Variants in FGF10 observed in about 807,000 individuals in gnomAD.
The protein encoded by FGF10 is fibroblast growth factor 10, also known as FGF-10.
Under a neutral mutation model 19.8 loss-of-function variants are expected in FGF10, and 2 were observed. That is an observed-to-expected ratio of 0.10 (90% CI 0.04 to 0.32). FGF10 has a LOEUF of 0.32. Among genes scored for constraint, FGF10 ranks in the 10% least tolerant of loss-of-function variants. The pLI, the probability that FGF10 is intolerant of heterozygous loss-of-function variation, is 1.00. For missense variants in FGF10, 191 were observed against 246.3 expected, an observed-to-expected ratio of 0.78 and a Z score of 1.50; for synonymous variants, 112 against 94.0, an observed-to-expected ratio of 1.19 and a Z score of -1.10.
At chr5:44,361,412 A>T (rs1364607585) in intron 1 of FGF10, among the ~76,000 whole-genome samples, 1 of 151,636 alleles carries the variant, frequency 6.6e-6, no homozygotes, top group Non-Finnish European at 1.5e-5. Flanking sequence ...AGGCAATGTC[A>T]TAGATATGAG....
intron 1 of FGF10, among the ~76,000 whole-genome samples, chr5:44,338,376 CAAT>C (rs1316457450): frequency 1.2e-4 from 19 of 152,164 alleles, no homozygotes; most frequent in African/African-American, 4.1e-4. Flanking sequence ...GAAAATATGA[CAAT>C]AATCAAATTT....
chr5:44,337,637 T>C (rs1284702757), intron 1 of FGF10, among the ~76,000 whole-genome samples: 3 of 152,094 alleles, frequency 2.0e-5, no homozygotes, highest in African/African-American at 4.8e-5. Flanking sequence ...AAAAACAGAT[T>C]TGGACATTAA....
chr5:44,364,023 T>C (rs1741549282), intron 1 of FGF10, among the ~76,000 whole-genome samples: 1 of 151,634 alleles, frequency 6.6e-6, no homozygotes, highest in Admixed American at 6.6e-5. Context: ...GGGACCACCA[T>C]AAAAAAAGAA....
intron 1 of FGF10, among the ~76,000 whole-genome samples, chr5:44,337,927 G>A (rs920938984): frequency 7.9e-5 from 12 of 152,080 alleles, no homozygotes; most frequent in South Asian, 2.1e-4. Flanking sequence ...GCGACACAGC[G>A]AGACTCTGTC....
In FGF10 at chr5:44,303,637, G is replaced by T. The variant is rs2111660654; in HGVS notation, c.*1358C>A. On this transcript the variant is annotated 3_prime_UTR_variant, in exon 3 of 3. Transcript: ENST00000264664. Reference sequence around the variant, plus strand: ...TACCTGCTCTAACAAAATGAATTTTGATATGGTTACATTATGGAACTTTGT... The same window carrying T: ...TACCTGCTCTAACAAAATGAATTTTTATATGGTTACATTATGGAACTTTGT... 1 of 152,176 alleles carries T rather than the reference G, an allele frequency of 6.6e-6. No homozygotes were observed. Among genetic ancestry groups the T allele is most frequent in the East Asian group, 1.9e-4 (1 of 5,182 alleles). 9.4% of individuals were successfully genotyped at this position (152,176 alleles called of 1,614,324 possible).
intron 1 of FGF10, among the ~76,000 whole-genome samples, chr5:44,323,174 C>T (rs1206071067): frequency 2.6e-5 from 4 of 152,050 alleles, no homozygotes; most frequent in Non-Finnish European, 5.9e-5. Flanking sequence ...CCTATTTTTG[C>T]CACAACTCAC....
rs1739982741 is a variant in FGF10, at chr5:44,302,289, T to TCCTTCCTTCCTC, written c.*2705_*2706insGAGGAAGGAAGG. ...TTCCTTCCTTCTTTCCTTGCTTCCT[T>TCCTTCCTTCCTC]CCTTCCTTCCTTCCTTCCTTCCTTC... On this transcript the variant is annotated 3_prime_UTR_variant, in exon 3 of 3. Coordinates refer to ENST00000264664, the MANE Select transcript of FGF10 (RefSeq NM_004465.2). Among the ~76,000 whole-genome samples, 2 of 77,344 alleles carry TCCTTCCTTCCTC rather than the reference T, an allele frequency of 2.6e-5. No homozygotes were observed. The highest frequency in any genetic ancestry group is 5.4e-5 in the Non-Finnish European group (2 of 37,260). The allele number at this position is 77,344 out of a possible 152,430, so 50.7% of individuals were successfully genotyped here.
intron 1 of FGF10, among the ~76,000 whole-genome samples, chr5:44,340,051 C>T (rs1740934617): frequency 6.6e-6 from 1 of 152,080 alleles, no homozygotes; most frequent in Non-Finnish European, 1.5e-5. Flanking sequence ...GTCCCAGTGA[C>T]CACTTGCCAC....
intron 1 of FGF10, among the ~76,000 whole-genome samples, chr5:44,330,164 A>G (rs1740697888): frequency 6.6e-6 from 1 of 152,182 alleles, no homozygotes; most frequent in South Asian, 2.1e-4. Context: ...GCATTTTCAA[A>G]AGAAAGTTAA....
At chr5:44,382,147 A>G (rs947591971) in intron 1 of FGF10, among the ~76,000 whole-genome samples, 1 of 152,202 alleles carries the variant, frequency 6.6e-6, no homozygotes. Context: ...TCAGATAGTA[A>G]TTGGATGCAC....
intron 1 of FGF10, among the ~76,000 whole-genome samples, chr5:44,364,500 G>C (rs977809567): frequency 2.0e-5 from 3 of 151,838 alleles, no homozygotes; most frequent in African/African-American, 7.2e-5. Flanking sequence ...GATGCTGCTA[G>C]ATGTGCTACA....
chr5:44,376,500 AAAAAAAAAAAAAAAAAAC>A (rs1468221126), intron 1 of FGF10, among the ~76,000 whole-genome samples: 11 of 111,690 alleles, frequency 9.8e-5, no homozygotes, highest in East Asian at 2.1e-4. Flanking sequence ...CAAAAAAAAA[AAAAAAAAAAAAAAAAAAC>A]AAAAAACCCA....
chr5:44,388,333 A>C (rs2111938856), intron 1 of FGF10, 25 bp downstream of exon 1: 1 of 1,604,136 alleles, frequency 6.2e-7, no homozygotes, highest in Non-Finnish European at 8.5e-7. Context: ...AATTGGAAGG[A>C]GGGGAGCATG....
chr5:44,364,844 T>G (rs1842812), intron 1 of FGF10, among the ~76,000 whole-genome samples: 1 of 151,936 alleles, frequency 6.6e-6, no homozygotes, highest in African/African-American at 2.4e-5. Flanking sequence ...AGAAATCTGA[T>G]AATATTATCT....
intron 1 of FGF10, among the ~76,000 whole-genome samples, chr5:44,330,852 T>C (rs1303782592): frequency 2.6e-5 from 4 of 152,162 alleles, no homozygotes; most frequent in Non-Finnish European, 5.9e-5. Flanking sequence ...CTAAGAATTA[T>C]CAACTTCATT....
intron 1 of FGF10, among the ~76,000 whole-genome samples, chr5:44,325,357 C>T (rs1740588387): frequency 6.6e-6 from 1 of 151,882 alleles, no homozygotes; most frequent in African/African-American, 2.4e-5. Context: ...ACTAGAAATA[C>T]CATTTGACCT....
Position 44,302,399 on chromosome 5 carries a change from C to T in FGF10, c.*2596G>A, listed in dbSNP as rs1739987274. On this transcript the variant is annotated 3_prime_UTR_variant, in exon 3 of 3. Coordinates refer to ENST00000264664, the MANE Select transcript of FGF10 (RefSeq NM_004465.2). ...TTCCTTTCTTTCTGGCTCTTTTTCACCCAGGCTGGAGTGCAATGGCAAGAT... is the reference window on the plus strand; with the variant it reads ...TTCCTTTCTTTCTGGCTCTTTTTCATCCAGGCTGGAGTGCAATGGCAAGAT... Among the ~76,000 whole-genome samples the T allele has an allele frequency of 6.6e-6, 1 of 151,378 alleles. No homozygotes were observed. The highest frequency in any genetic ancestry group is 2.1e-4 in the South Asian group (1 of 4,780).
At chr5:44,314,833 T>C (rs1335323404) in intron 1 of FGF10, among the ~76,000 whole-genome samples, 1 of 152,146 alleles carries the variant, frequency 6.6e-6, no homozygotes, top group Non-Finnish European at 1.5e-5. Flanking sequence ...ATGAAAAAGC[T>C]ATTGGTCTGG....
chr5:44,328,889 T>C (rs551681101), intron 1 of FGF10, among the ~76,000 whole-genome samples: 2 of 152,252 alleles, frequency 1.3e-5, no homozygotes, highest in South Asian at 4.1e-4. Flanking sequence ...TTGCAGCTAC[T>C]GAGGAAGCTG....
Sources: gnomAD v4.1 joint callset for allele counts (sites outside exome capture counted in the v4.1 genomes callset) on GRCh38, gnomAD v4.1.1 for gene constraint, MANE v1.5 for transcripts, NCBI Gene and HGNC (gene_info 2026-07-23, HGNC 2026-07-21) for gene names.